The following SLC28A3 variants were observed in gnomAD, a reference collection of about 807,000 sequenced individuals.
The protein encoded by SLC28A3 is solute carrier family 28 member 3.
A neutral mutation model predicts 84.2 loss-of-function variants in SLC28A3; 68 were observed. The ratio of observed to expected loss-of-function variants is 0.81; its 90% CI spans 0.66 to 0.99. SLC28A3 has a LOEUF of 0.99. Among genes scored for constraint, SLC28A3 ranks in the 50% least tolerant of loss-of-function variants. The pLI is 0.00. For missense variants in SLC28A3, 712 were observed against 841.5 expected, an observed-to-expected ratio of 0.85 and a Z score of 1.90; for synonymous variants, 267 against 303.6, an observed-to-expected ratio of 0.88 and a Z score of 1.25.
At chr9:84,299,338 T>G (rs1467923588) in intron 6 of SLC28A3, among the ~76,000 whole-genome samples, 1 of 152,070 alleles carries the variant, frequency 6.6e-6, no homozygotes, top group Non-Finnish European at 1.5e-5. Flanking sequence ...AAATTAGACT[T>G]GACAGGGAGA....
intron 1 of SLC28A3, among the ~76,000 whole-genome samples, chr9:84,326,020 A>C (rs1826535704): frequency 6.6e-6 from 1 of 152,200 alleles, no homozygotes; most frequent in South Asian, 2.1e-4. Flanking sequence ...GCAGCTATCA[A>C]AGATCCAGAA....
rs769390817 is a variant in SLC28A3, at chr9:84,299,685, A to G, written c.565T>C (p.Leu189=). The G allele has an allele frequency of 6.2e-7, 1 of 1,612,134 alleles. No individual in the cohort carries two copies. Among genetic ancestry groups the G allele is most frequent in the South Asian group, 1.1e-5 (1 of 90,446 alleles). The stretch of plus-strand genomic sequence containing the variant: ...CCCAATTTGGCAGTGTCAAAGGCCA[A>G]CCAGAAAATAACTGCTAGGACCAGG... ...SSLVLAVIFW[L]AFDTAKLGQQ... The change falls in exon 6 of 18, where the codon TTG becomes CTG. Residue 189 remains leucine, a synonymous_variant. Coordinates refer to ENST00000376238, the MANE Select transcript of SLC28A3 (RefSeq NM_001199633.2).
the SLC28A3 span, among the ~76,000 whole-genome samples, chr9:84,357,782 A>G: frequency 1.3e-5 from 2 of 152,180 alleles, no homozygotes; most frequent in African/African-American, 2.4e-5. Context: ...GCTGTGGGTC[A>G]CACAGCTAGA....
At chr9:84,333,236 T>C (rs1388951404) in intron 1 of SLC28A3, among the ~76,000 whole-genome samples, 2 of 152,224 alleles carry the variant, frequency 1.3e-5, no homozygotes, top group African/African-American at 4.8e-5. Context: ...CTGGGGTGAC[T>C]GCACCTGTAA....
chr9:84,292,741 C>A lies in SLC28A3; in HGVS notation c.950G>T (p.Trp317Leu). 1.9e-6 allele frequency: 3 copies of A among 1,562,894 alleles called. 1 individual carries two copies. In the South Asian group the frequency reaches 3.7e-5, roughly 19 times the overall value. Residue 317 changes from tryptophan to leucine, a missense_variant, in exon 10 of 18, where the codon TGG (tryptophan) becomes TTG (leucine). Trp to Leu is a moderately conservative substitution (Grantham distance 61). Transcript: ENST00000376238. ...TGATCCCGTAGTAACTAGCATGATCCATCCAACCTAAAAGGAAGAAAGGGA... is the reference window on the plus strand; with the variant it reads ...TGATCCCGTAGTAACTAGCATGATCAATCCAACCTAAAAGGAAGAAAGGGA... ...LMQWIIRKVG[W>L]IMLVTTGSSP... is the part of the protein sequence containing the mutation.
chr9:84,320,040 GTTTTTT>G lies in SLC28A3; in HGVS notation c.61-6592_61-6587del, dbSNP rs1182939298. On this transcript the variant is annotated intron_variant, in intron 1 of 17. Transcript: ENST00000376238. ...TACTCATTCCAGCCTGGCTTGCACT[GTTTTTT>G]TTTTTTTTTTTTTTTTTTTTTGAGA... Among the ~76,000 whole-genome samples, 136 of 59,582 alleles carry G rather than the reference GTTTTTT, an allele frequency of 2.3e-3. 1 individual carries two copies. The highest frequency in any genetic ancestry group is 9.1e-3 in the African/African-American group (93 of 10,224). 39.1% of individuals were successfully genotyped at this position (59,582 alleles called of 152,430 possible). A position where few individuals can be genotyped will look rare whatever the true frequency, so the allele number is the denominator to read the frequency against.
rs2118103247 is a variant in SLC28A3, at chr9:84,286,053, C to G, written c.1339G>C (p.Val447Leu). 1 of 1,614,064 alleles carries G rather than the reference C, an allele frequency of 6.2e-7. No homozygotes were observed. Among genetic ancestry groups the G allele is most frequent in the Non-Finnish European group, 8.5e-7 (1 of 1,179,994 alleles). The change falls in exon 13 of 18, where the codon GTG becomes CTG. Residue 447 changes from valine (V) to leucine (L), a missense_variant. Coordinates refer to ENST00000376238, the MANE Select transcript of SLC28A3 (RefSeq NM_001199633.2). ...TQGASSSISL[V>L]ANIAVNLIAF... ...ATCAGATTCACAGCGATGTTGGCCA[C>G]CAGGGAGATGGAGGAGGATGCTCCC...
At chr9:84,278,718 G>T (rs750275947) in intron 17 of SLC28A3, among the ~76,000 whole-genome samples, 2 of 152,174 alleles carry the variant, frequency 1.3e-5, no homozygotes, top group Non-Finnish European at 1.5e-5. Context: ...TCATCGTGTT[G>T]TCTGGACAGC....
rs755055272 is a variant in SLC28A3 at position 84,297,988 on chromosome 9, C to G, written c.701G>C (p.Gly234Ala). 1 of 1,612,620 alleles carries G rather than the reference C, an allele frequency of 6.2e-7. No homozygotes were observed. Among genetic ancestry groups the G allele is most frequent in the Non-Finnish European group, 8.5e-7 (1 of 1,179,692 alleles). The change falls in exon 7 of 18, where the codon GGG (glycine) becomes GCG (alanine). Residue 234 changes from glycine to alanine, a missense_variant. Gly to Ala is a moderately conservative substitution (Grantham distance 60, BLOSUM62 0). Coordinates refer to ENST00000376238, the MANE Select transcript of SLC28A3 (RefSeq NM_001199633.2). The stretch of plus-strand genomic sequence containing the variant: ...CAAGAGCCCAAGAAGAAACTGTAGC[C>G]CGATTCCCCATAAGACAGGTCTCCA... ...VYWRPVLWGI[G>A]LQFLLGLLIL...
At chr9:84,308,630 TAAAAAAG>T (rs1825882105) in intron 3 of SLC28A3, among the ~76,000 whole-genome samples, 1 of 151,924 alleles carries the variant, frequency 6.6e-6, no homozygotes, top group Admixed American at 6.6e-5. Flanking sequence ...CCCCTGCCTC[TAAAAAAG>T]AAAAAAGAAA....
upstream of SLC28A3, among the ~76,000 whole-genome samples, chr9:84,344,843 C>T (rs1588634880): frequency 6.6e-6 from 1 of 152,166 alleles, no homozygotes; most frequent in East Asian, 1.9e-4. Flanking sequence ...CTGGACCAAA[C>T]CAATGTATTT....
chr9:84,305,868 G>A (rs943124701), intron 3 of SLC28A3, among the ~76,000 whole-genome samples: 13 of 152,182 alleles, frequency 8.5e-5, no homozygotes, highest in Non-Finnish European at 1.8e-4. Context: ...AAAATGCAAA[G>A]TAGGATTTCC....
chr9:84,343,695 A>G (rs1827206750), upstream of SLC28A3, among the ~76,000 whole-genome samples: 1 of 152,248 alleles, frequency 6.6e-6, no homozygotes, highest in African/African-American at 2.4e-5. Flanking sequence ...CTATAAATAA[A>G]GTTTTGTAAA....
At chr9:84,335,820 A>G (rs1221313539) in intron 1 of SLC28A3, among the ~76,000 whole-genome samples, 1 of 152,050 alleles carries the variant, frequency 6.6e-6, no homozygotes, top group Admixed American at 6.6e-5. Context: ...TACCATTATT[A>G]TGCTCTTTTA....
chr9:84,326,023 A>G (rs1384035764), intron 1 of SLC28A3, among the ~76,000 whole-genome samples: 1 of 152,176 alleles, frequency 6.6e-6, no homozygotes, highest in African/African-American at 2.4e-5. Context: ...GCTATCAAAG[A>G]TCCAGAATCG....
chr9:84,299,794 A>ATTTT, intron 5 of SLC28A3, 69 bp from the exon 6 acceptor site: 2 of 1,244,114 alleles, frequency 1.6e-6, no homozygotes, highest in Admixed American at 2.8e-5. Flanking sequence ...ATCAGGCTTA[A>ATTTT]TTTTTTTTTT....
intron 3 of SLC28A3, among the ~76,000 whole-genome samples, chr9:84,309,044 C>T (rs914189433): frequency 6.6e-6 from 1 of 152,158 alleles, no homozygotes; most frequent in Non-Finnish European, 1.5e-5. Context: ...GTAATTTACA[C>T]TTTTAATTAG....
upstream of SLC28A3, among the ~76,000 whole-genome samples, chr9:84,343,255 G>C (rs151082778): frequency 1.5e-3 from 225 of 152,242 alleles, 2 homozygotes; most frequent in African/African-American, 5.2e-3. Flanking sequence ...AGTGGTGACT[G>C]AAGTCCAACC....
At chr9:84,350,443 AAAATAAAT>A in the SLC28A3 span, among the ~76,000 whole-genome samples, 4 of 151,404 alleles carry the variant, frequency 2.6e-5, no homozygotes, top group African/African-American at 9.8e-5. Flanking sequence ...CCAGGTCTCA[AAAATAAAT>A]AAATAAATAA....
Sources: allele counts gnomAD v4.1 joint callset (sites outside exome capture counted in the v4.1 genomes callset), GRCh38; gene constraint gnomAD v4.1.1; transcripts MANE v1.5; gene names NCBI Gene and HGNC (gene_info 2026-07-23, HGNC 2026-07-21).